The following CPXM2 variants were observed in gnomAD, a reference collection of about 807,000 sequenced individuals.
CPXM2 encodes inactive carboxypeptidase-like protein X2.
CPXM2 carries 66 observed loss-of-function variants against 86.1 expected under a neutral mutation model. The observed-to-expected ratio is 0.77, with a 90% CI of 0.63 to 0.94. CPXM2 has a LOEUF of 0.94. CPXM2 is among the 40% of genes least tolerant of loss of function. The pLI is 0.00. For synonymous variants in CPXM2, 388 were observed against 400.2 expected (o/e 0.97, Z 0.36); for missense variants, 948 against 1,026.3 (o/e 0.92, Z 1.04).
At chr10:123,768,443 G>T in intron 9 of CPXM2, 83 bp downstream of exon 9, 1 of 859,560 alleles carries the variant, frequency 1.2e-6, no homozygotes, top group Non-Finnish European at 1.7e-6. Flanking sequence ...GTGGAATTTT[G>T]CATAGCCCTA....
chr10:123,916,332 G>A (rs1945533324), intron 2 of CPXM2, among the ~76,000 whole-genome samples: 4 of 152,120 alleles, frequency 2.6e-5, no homozygotes, highest in African/African-American at 7.2e-5. Context: ...GCCACTCTGC[G>A]CTGATGAATG....
rs746404523 is a variant in CPXM2 at position 123,798,042 on chromosome 10, G to C, written c.823C>G (p.Pro275Ala). 2 of 1,612,140 alleles carry C rather than the reference G, an allele frequency of 1.2e-6. No homozygotes were observed. The highest frequency in any genetic ancestry group is 1.7e-6 in the Non-Finnish European group (2 of 1,179,048). Residue 275 changes from proline (P) to alanine (A), a missense_variant, in exon 6 of 14, where the codon CCT becomes GCT. Pro to Ala is a conservative substitution (Grantham distance 27, BLOSUM62 -1). Coordinates refer to ENST00000241305, the MANE Select transcript of CPXM2 (RefSeq NM_198148.3). ...CTCCCATTATCAAACCAGGACTGAG[G>C]GTTTATGCGGATGTAGCGGGCCACC... ...PMVARYIRIN[P>A]QSWFDNGSIC...
intron 3 of CPXM2, among the ~76,000 whole-genome samples, chr10:123,856,263 T>C (rs777835323): frequency 3.9e-5 from 6 of 152,236 alleles, no homozygotes; most frequent in African/African-American, 9.6e-5. Flanking sequence ...ACTGACTTAC[T>C]GTAATTTAAA....
intron 13 of CPXM2, chr10:123,750,704 AG>A (rs1331956981): frequency 1.0e-6 from 1 of 985,184 alleles, no homozygotes; most frequent in Non-Finnish European, 1.2e-6. Flanking sequence ...TCAATAAGAA[AG>A]GTCAAAAGAA....
rs1480991680 is a variant in CPXM2, at chr10:123,829,097, T to C, written c.653+13252A>G. 3.3e-5 allele frequency among the ~76,000 whole-genome samples: 5 copies of C among 152,304 alleles called. No individual in the cohort carries two copies. In the South Asian group the frequency reaches 1.0e-3, roughly 32 times the overall value. ...CATTTCACTAAAAAGGATATCTAGA[T>C]GGCAAATAAGCACATAAAAACACAT... On this transcript the variant is annotated intron_variant, in intron 4 of 13. Transcript: ENST00000241305.
chr10:123,906,800 G>C (rs921434709), intron 2 of CPXM2, among the ~76,000 whole-genome samples: 8 of 152,194 alleles, frequency 5.3e-5, no homozygotes, highest in Non-Finnish European at 1.2e-4. Flanking sequence ...AGAGAAAGCA[G>C]AGTCCCAAAC....
intron 8 of CPXM2, among the ~76,000 whole-genome samples, chr10:123,769,158 GAC>G (rs908060212): frequency 6.6e-6 from 1 of 152,206 alleles, no homozygotes; most frequent in Non-Finnish European, 1.5e-5. Flanking sequence ...AATCAGCAGT[GAC>G]ACAGTGTAAA....
intron 4 of CPXM2, among the ~76,000 whole-genome samples, chr10:123,840,843 A>C (rs1848372534): frequency 1.3e-5 from 2 of 152,234 alleles, no homozygotes; most frequent in African/African-American, 2.4e-5. Context: ...GTTAAATGTA[A>C]GCACAGATGC....
intron 4 of CPXM2, among the ~76,000 whole-genome samples, chr10:123,820,176 A>G (rs185113457): frequency 6.5e-4 from 99 of 152,284 alleles, no homozygotes; most frequent in Admixed American, 2.4e-3. Context: ...AATACTTAAT[A>G]AAGCCCTTTT....
chr10:123,895,548 C>T (rs1945330848), upstream of CPXM2, among the ~76,000 whole-genome samples: 1 of 152,246 alleles, frequency 6.6e-6, no homozygotes, highest in Non-Finnish European at 1.5e-5. Flanking sequence ...TCAATAACTC[C>T]TTCTGCATAA....
Position 123,891,736 on chromosome 10 carries a change from G to T in CPXM2, c.-77C>A. On this transcript the variant is annotated 5_prime_UTR_variant, in exon 1 of 14. Transcript: ENST00000241305. This position sits in a 1 kb window ranked among gnomAD's most constrained non-coding sequence, Gnocchi z 5.6. ...GCGGGCTGCGGGCGCAGAAGCTGGCGCGGGGCAAGGGCGCAGGGCACAGCA... is the reference window on the plus strand; with the variant it reads ...GCGGGCTGCGGGCGCAGAAGCTGGCTCGGGGCAAGGGCGCAGGGCACAGCA... The T allele has an allele frequency of 8.7e-7, 1 of 1,154,146 alleles. No individual in the cohort carries two copies. Among genetic ancestry groups the T allele is most frequent in the Non-Finnish European group, 1.1e-6 (1 of 896,168 alleles). 71.5% of individuals were successfully genotyped at this position (1,154,146 alleles called of 1,614,324 possible). A position where few individuals can be genotyped will look rare whatever the true frequency, so the allele number is the denominator to read the frequency against.
intron 1 of CPXM2, among the ~76,000 whole-genome samples, chr10:123,882,501 G>C (rs1366279791): frequency 1.3e-5 from 2 of 152,164 alleles, no homozygotes; most frequent in East Asian, 3.8e-4. Context: ...TGATAAGGCT[G>C]AGTTGGATTT....
At chr10:123,926,224 T>TCCGATA (rs1394176671) in intron 2 of CPXM2, among the ~76,000 whole-genome samples, 1 of 152,212 alleles carries the variant, frequency 6.6e-6, no homozygotes, top group Non-Finnish European at 1.5e-5. Context: ...AACCTAATCT[T>TCCGATA]CCGATACCGG....
chr10:123,914,717 T>C (rs1945520762), intron 2 of CPXM2, among the ~76,000 whole-genome samples: 1 of 152,142 alleles, frequency 6.6e-6, no homozygotes, highest in African/African-American at 2.4e-5. Context: ...ACGTATACCA[T>C]GTATCTGTTT....
chr10:123,940,160 T>C, exon 1 of CPXM2: 1 of 152,422 alleles, frequency 6.6e-6, no homozygotes, highest in Non-Finnish European at 1.5e-5. Context: ...CTGGGAGGCC[T>C]CAGTCCTGCC....
At chr10:123,832,259 G>C (rs1026625694) in intron 4 of CPXM2, among the ~76,000 whole-genome samples, 1 of 152,124 alleles carries the variant, frequency 6.6e-6, no homozygotes, top group African/African-American at 2.4e-5. Context: ...AGTCAGCCCT[G>C]GGGGAGCCAT....
At chr10:123,755,180 A>C (rs1390956078) in intron 12 of CPXM2, among the ~76,000 whole-genome samples, 1 of 152,224 alleles carries the variant, frequency 6.6e-6, no homozygotes, top group African/African-American at 2.4e-5. Context: ...AGAAGTAGCC[A>C]ATGGGCATGC....
At chr10:123,757,132 T>A in intron 12 of CPXM2, 81 bp downstream of exon 12, 1 of 1,329,958 alleles carries the variant, frequency 7.5e-7, no homozygotes, top group Non-Finnish European at 1.1e-6. Context: ...AAGCTCTAAT[T>A]CCATCCCATA....
At chr10:123,769,088 A>G (rs1383046956) in intron 8 of CPXM2, among the ~76,000 whole-genome samples, 2 of 152,228 alleles carry the variant, frequency 1.3e-5, no homozygotes, top group African/African-American at 2.4e-5. Flanking sequence ...TCTTAAAATA[A>G]CTTCCTATTA....
Sources: gnomAD v4.1 joint callset for allele counts (sites outside exome capture counted in the v4.1 genomes callset) on GRCh38, gnomAD v4.1.1 for gene constraint, Gnocchi (gnomAD v3.1) non-coding constraint, MANE v1.5 for transcripts, NCBI Gene and HGNC (gene_info 2026-07-23, HGNC 2026-07-21) for gene names.